MAML3: variants seen among roughly 807,000 people sequenced by gnomAD.
The protein encoded by MAML3 is mastermind like transcriptional coactivator 3, also known as mastermind-like protein 3.
MAML3 carries 27 observed loss-of-function variants against 101.9 expected under a neutral mutation model. That is an observed-to-expected ratio of 0.27 (90% CI 0.20 to 0.37). The LOEUF is 0.37. MAML3 is among the 10% of genes least tolerant of loss of function. The pLI, the probability that MAML3 is intolerant of heterozygous loss-of-function variation, is 1.00. For synonymous variants in MAML3, 501 were observed against 555.9 expected (o/e 0.90, Z 1.39); for missense variants, 1,316 against 1,444.9 (o/e 0.91, Z 1.45).
In MAML3 at chr4:140,118,114, T is replaced by C. The variant is rs548262226; in HGVS notation, c.468+34746A>G. Among the ~76,000 whole-genome samples the C allele has an allele frequency of 2.6e-3, 390 of 151,838 alleles. 2 individuals are homozygous for C. The highest frequency in any genetic ancestry group is 8.7e-3 in the African/African-American group (360 of 41,484). On this transcript the variant is annotated intron_variant, in intron 1 of 4. Coordinates refer to ENST00000509479, the MANE Select transcript of MAML3 (RefSeq NM_018717.5). Reference sequence around the variant, plus strand: ...TAGACAACCACCACAAAAAATGTTCTCTCTGATATCAGCTACAACCAACCC... The same window carrying C: ...TAGACAACCACCACAAAAAATGTTCCCTCTGATATCAGCTACAACCAACCC...
At chr4:139,730,259 G>A (rs1728645788) in intron 3 of MAML3, 157 bp downstream of exon 3, 2 of 671,896 alleles carry the variant, frequency 3.0e-6, no homozygotes, top group African/African-American at 3.6e-5. Context: ...CTAATTGAAA[G>A]GTCTAAATTC....
At chr4:139,825,779 A>T (rs78762520) in intron 2 of MAML3, among the ~76,000 whole-genome samples, 3 of 130,556 alleles carry the variant, frequency 2.3e-5, no homozygotes, top group African/African-American at 8.6e-5. Flanking sequence ...AAAAAAAAAA[A>T]GTTGCACGTT....
chr4:140,050,371 G>A (rs1727247362), intron 1 of MAML3, among the ~76,000 whole-genome samples: 1 of 152,132 alleles, frequency 6.6e-6, no homozygotes, highest in South Asian at 2.1e-4. Flanking sequence ...TCTTTCATTG[G>A]AGTCAACTGG....
rs550969354 is a variant in MAML3, at chr4:140,153,759, G to T, written c.-432C>A. On this transcript the variant is annotated 5_prime_UTR_variant, in exon 1 of 5. Transcript: ENST00000509479. ...CTACATACCGAAAAACACACCCCATGTACACACACAAGCATATGCCTCCAG... is the reference window on the plus strand; with the variant it reads ...CTACATACCGAAAAACACACCCCATTTACACACACAAGCATATGCCTCCAG... 8.6e-5 allele frequency: 15 copies of T among 173,798 alleles called. No homozygotes were observed. The highest frequency in any genetic ancestry group is 1.6e-4 in the Non-Finnish European group (13 of 82,480). 10.8% of individuals were successfully genotyped at this position (173,798 alleles called of 1,614,324 possible).
At chr4:139,908,752 C>A (rs1305012964) in intron 1 of MAML3, among the ~76,000 whole-genome samples, 1 of 152,168 alleles carries the variant, frequency 6.6e-6, no homozygotes, top group African/African-American at 2.4e-5. Flanking sequence ...CTATTGTATT[C>A]ATAAACTTCA....
At position 139,735,558 on chromosome 4, in the gene MAML3, G is replaced by A. The variant is rs1728904057; in HGVS notation, c.2080-4891C>T. 6.6e-6 allele frequency among the ~76,000 whole-genome samples: 1 copy of A among 152,312 alleles called. No individual in the cohort carries two copies. Among genetic ancestry groups the A allele is most frequent in the South Asian group, 2.1e-4 (1 of 4,830 alleles). On this transcript the variant is annotated intron_variant, in intron 2 of 4. Coordinates refer to ENST00000509479, the MANE Select transcript of MAML3 (RefSeq NM_018717.5). This position sits in a 1 kb window ranked among gnomAD's most constrained non-coding sequence, Gnocchi z 5.8. ...GACCCCAGCTGCACAAAGCCGGCCC[G>A]GGGAGGGGGCGATAAGGAGCGAGCC...
At chr4:139,789,540 C>T (rs1023081227) in intron 2 of MAML3, among the ~76,000 whole-genome samples, 12 of 152,022 alleles carry the variant, frequency 7.9e-5, no homozygotes, top group South Asian at 6.2e-4. Flanking sequence ...TGACTAGGCA[C>T]GGGTGGATGT....
At chr4:139,891,634 C>T (rs11726067) in intron 1 of MAML3, among the ~76,000 whole-genome samples, 114,978 of 152,038 alleles carry the variant, frequency 0.76, 45,360 homozygotes, top group Non-Finnish European at 0.89. Flanking sequence ...ATACCTATCC[C>T]AAATTCTTGC....
chr4:139,736,290 G>T (rs1302839074), intron 2 of MAML3, among the ~76,000 whole-genome samples: 4 of 152,170 alleles, frequency 2.6e-5, no homozygotes, highest in Non-Finnish European at 4.4e-5. Flanking sequence ...AGATACTATT[G>T]AAAGTTTTAT....
intron 1 of MAML3, among the ~76,000 whole-genome samples, chr4:140,112,250 C>A (rs913170415): frequency 2.0e-5 from 3 of 151,964 alleles, no homozygotes; most frequent in Admixed American, 6.5e-5. Context: ...CAAACTGGCC[C>A]CTGTGTCTTT....
At chr4:140,093,058 G>A (rs546559797) in intron 1 of MAML3, among the ~76,000 whole-genome samples, 79 of 152,114 alleles carry the variant, frequency 5.2e-4, no homozygotes, top group Non-Finnish European at 1.1e-3. Flanking sequence ...AAACTTTATA[G>A]GTCTCGCTGC....
At chr4:139,893,641 G>A (rs1732547174) in intron 1 of MAML3, among the ~76,000 whole-genome samples, 1 of 152,124 alleles carries the variant, frequency 6.6e-6, no homozygotes, top group Non-Finnish European at 1.5e-5. Flanking sequence ...TGACCATAAG[G>A]AATGCCTGAT....
At position 140,122,393 on chromosome 4, in the gene MAML3, C is replaced by T. The variant is rs549960471; in HGVS notation, c.468+30467G>A. On this transcript the variant is annotated intron_variant, in intron 1 of 4. Transcript: ENST00000509479. ...GAACCACCACACCCAGCTAACTTTTCATATCTTTAATAGAGATAGGGTTTC... is the reference window on the plus strand; with the variant it reads ...GAACCACCACACCCAGCTAACTTTTTATATCTTTAATAGAGATAGGGTTTC... Among the ~76,000 whole-genome samples the T allele has an allele frequency of 8.6e-5, 13 of 151,948 alleles. No homozygotes were observed. The South Asian group carries it at 2.1e-3, about 24-fold the overall frequency.
intron 1 of MAML3, among the ~76,000 whole-genome samples, chr4:140,001,432 G>C (rs751466179): frequency 1.3e-5 from 2 of 152,196 alleles, no homozygotes; most frequent in Non-Finnish European, 2.9e-5. Context: ...ACCCCCAAGA[G>C]GTCTCAGAGT....
chr4:139,719,805 A>G lies in MAML3; in HGVS notation c.2935T>C (p.Leu979=), dbSNP rs375985703. ...CTGGCGCCATTGTTGAATGGTCCCA[A>G]TTCTCCACTAGTCCTCCCAGGCATG... The part of the protein sequence containing the change: ...QGMPGRTSGE[L]GPFNNGASYP... Residue 979 remains leucine, a synonymous_variant, in exon 5 of 5, where the codon TTG becomes CTG. Coordinates refer to ENST00000509479, the MANE Select transcript of MAML3 (RefSeq NM_018717.5). 885 of 1,613,448 alleles carry G rather than the reference A, an allele frequency of 5.5e-4. No individual in the cohort carries two copies. Among genetic ancestry groups the G allele is most frequent in the Non-Finnish European group, 7.1e-4 (840 of 1,179,902 alleles).
intron 2 of MAML3, among the ~76,000 whole-genome samples, chr4:139,833,410 A>C (rs1731203886): frequency 6.6e-6 from 1 of 152,198 alleles, no homozygotes; most frequent in Non-Finnish European, 1.5e-5. Context: ...GTGAAATGAC[A>C]GCCACTTATT....
chr4:139,928,353 G>A (rs765373501), intron 1 of MAML3, among the ~76,000 whole-genome samples: 14 of 152,182 alleles, frequency 9.2e-5, no homozygotes, highest in Non-Finnish European at 1.6e-4. Context: ...GTAGAACTCT[G>A]GGTGGATTAC....
intron 2 of MAML3, among the ~76,000 whole-genome samples, chr4:139,840,412 G>A (rs1256216268): frequency 1.3e-5 from 2 of 152,098 alleles, no homozygotes; most frequent in African/African-American, 4.8e-5. Context: ...TGATTCGGTG[G>A]TACTCTTACT....
chr4:139,758,396 T>C (rs1246669382), intron 2 of MAML3, among the ~76,000 whole-genome samples: 1 of 152,224 alleles, frequency 6.6e-6, no homozygotes, highest in African/African-American at 2.4e-5. Context: ...AACTTTTTTT[T>C]GTTAATATTT....
Sources: allele counts gnomAD v4.1 joint callset (sites outside exome capture counted in the v4.1 genomes callset), GRCh38; gene constraint gnomAD v4.1.1; non-coding constraint Gnocchi (gnomAD v3.1); transcripts MANE v1.5; gene names NCBI Gene and HGNC (gene_info 2026-07-23, HGNC 2026-07-21).